CNTNAP2: variants seen among roughly 807,000 people sequenced by gnomAD.
CNTNAP2 encodes the protein contactin associated protein 2, also known as contactin-associated protein-like 2.
CNTNAP2 carries 98 observed loss-of-function variants against 155.2 expected under a neutral mutation model. That is an observed-to-expected ratio of 0.63 (90% CI 0.54 to 0.75). CNTNAP2 has a LOEUF of 0.75. Ranked by LOEUF, CNTNAP2 falls within the 30% of genes least tolerant of loss-of-function variation. CNTNAP2 has a pLI of 0.00. For missense variants in CNTNAP2, 1,727 were observed against 1,688.1 expected (o/e 1.02, Z -0.40); for synonymous variants, 651 against 631.2 (o/e 1.03, Z -0.47).
intron 1 of CNTNAP2, among the ~76,000 whole-genome samples, chr7:146,205,063 G>C: frequency 6.6e-6 from 1 of 152,008 alleles, no homozygotes. Context: ...TCAGTAAATT[G>C]TAGGCAAGTA....
At chr7:148,001,004 T>G (rs1801886504) in intron 15 of CNTNAP2, among the ~76,000 whole-genome samples, 1 of 152,170 alleles carries the variant, frequency 6.6e-6, no homozygotes, top group African/African-American at 2.4e-5. Flanking sequence ...CCACAAGGAT[T>G]TCATTGTGTG....
intron 1 of CNTNAP2, among the ~76,000 whole-genome samples, chr7:146,494,828 TA>T (rs1797190411): frequency 6.6e-6 from 1 of 152,250 alleles, no homozygotes; most frequent in South Asian, 2.1e-4. Flanking sequence ...TATTTGTTTT[TA>T]TTTTCCCTTC....
At chr7:146,488,134 T>A (rs1428193316) in intron 1 of CNTNAP2, among the ~76,000 whole-genome samples, 1 of 152,144 alleles carries the variant, frequency 6.6e-6, no homozygotes, top group Non-Finnish European at 1.5e-5. Flanking sequence ...CGTCAAATTG[T>A]ATCACCACAT....
intron 2 of CNTNAP2, among the ~76,000 whole-genome samples, chr7:146,832,188 T>C (rs1426694775): frequency 2.6e-5 from 4 of 152,190 alleles, no homozygotes; most frequent in Admixed American, 6.5e-5. Flanking sequence ...CTTATTAAGA[T>C]GCCTGTTACT....
intron 1 of CNTNAP2, among the ~76,000 whole-genome samples, chr7:146,560,328 G>A (rs1431802294): frequency 6.6e-6 from 1 of 151,696 alleles, no homozygotes; most frequent in Non-Finnish European, 1.5e-5. Context: ...AAAAAAGCCA[G>A]GTTATTTATT....
chr7:147,732,076 T>G (rs1376219435), intron 13 of CNTNAP2, among the ~76,000 whole-genome samples: 1 of 152,070 alleles, frequency 6.6e-6, no homozygotes, highest in Non-Finnish European at 1.5e-5. Flanking sequence ...CTAGTGTACA[T>G]GTGCACAGTG....
chr7:147,435,812 T>A (rs1797539796), intron 10 of CNTNAP2, among the ~76,000 whole-genome samples: 1 of 152,176 alleles, frequency 6.6e-6, no homozygotes, highest in East Asian at 1.9e-4. Context: ...ATAGGAATAA[T>A]AGCACCTATT....
At chr7:148,015,235 A>T (rs1328813331) in intron 15 of CNTNAP2, among the ~76,000 whole-genome samples, 1 of 152,176 alleles carries the variant, frequency 6.6e-6, no homozygotes, top group Admixed American at 6.5e-5. Flanking sequence ...TGCAAATAGC[A>T]GCCTACTTCT....
In CNTNAP2 at chr7:146,442,451, C is replaced by T. The variant is rs896845955; in HGVS notation, c.97+325478C>T. ...TCCATTTGGGGTGTGTGTGTGTGTG[C>T]GTGCGCATGTGTGTGTGTATGTGTG... On this transcript the variant is annotated intron_variant, in intron 1 of 23. Coordinates refer to ENST00000361727, the MANE Select transcript of CNTNAP2 (RefSeq NM_014141.6). Among the ~76,000 whole-genome samples, 8 of 151,402 alleles carry T rather than the reference C, an allele frequency of 5.3e-5. No homozygotes were observed. In the South Asian group the frequency reaches 8.4e-4, roughly 16 times the overall value.
chr7:147,959,067 T>A (rs1463553335), intron 14 of CNTNAP2, among the ~76,000 whole-genome samples: 1 of 152,204 alleles, frequency 6.6e-6, no homozygotes, highest in Non-Finnish European at 1.5e-5. Flanking sequence ...TAAAAACTTA[T>A]CATTCCTTTC....
intron 10 of CNTNAP2, among the ~76,000 whole-genome samples, chr7:147,442,843 C>T (rs1797666141): frequency 6.6e-6 from 1 of 152,150 alleles, no homozygotes; most frequent in African/African-American, 2.4e-5. Flanking sequence ...ACTCTGACTG[C>T]TGCCCTATCC....
intron 1 of CNTNAP2, among the ~76,000 whole-genome samples, chr7:146,421,622 A>G (rs990019049): frequency 2.0e-5 from 3 of 151,998 alleles, no homozygotes; most frequent in African/African-American, 7.2e-5. Context: ...ATTTATAATT[A>G]TCAATTAATA....
rs866691586 is a variant in CNTNAP2 at position 146,947,595 on chromosome 7, A to G, written c.403-96312A>G. Among the ~76,000 whole-genome samples, 210 of 140,652 alleles carry G rather than the reference A, an allele frequency of 1.5e-3. 1 individual carries two copies. Among genetic ancestry groups the G allele is most frequent in the African/African-American group, 5.4e-3 (200 of 37,236 alleles). 92.3% of individuals were successfully genotyped at this position (140,652 alleles called of 152,430 possible). On this transcript the variant is annotated intron_variant, in intron 3 of 23. Transcript: ENST00000361727. ...TATATACATATATATATATATATAT[A>G]TATGTATATATCTTTCAAAATATTT...
intron 1 of CNTNAP2, among the ~76,000 whole-genome samples, chr7:146,367,862 A>T (rs1224672114): frequency 6.6e-6 from 1 of 152,096 alleles, no homozygotes; most frequent in African/African-American, 2.4e-5. Context: ...TCCACAAACT[A>T]TGATTCTGTG....
intron 1 of CNTNAP2, among the ~76,000 whole-genome samples, chr7:146,727,344 A>T (rs1183567205): frequency 6.6e-6 from 1 of 152,160 alleles, no homozygotes; most frequent in African/African-American, 2.4e-5. Context: ...GCACATACTA[A>T]TGGAGCTGAT....
At chr7:146,741,038 C>G (rs73457266) in intron 1 of CNTNAP2, among the ~76,000 whole-genome samples, 5,416 of 152,010 alleles carry the variant, frequency 0.036, 337 homozygotes, top group African/African-American at 0.12. Context: ...CTGTGAGTAC[C>G]CAGTGTTGTG....
In CNTNAP2 at chr7:147,670,520, A is replaced by G. The variant is rs1171425827; in HGVS notation, c.2098+31214A>G. Among the ~76,000 whole-genome samples the G allele has an allele frequency of 2.0e-5, 3 of 152,238 alleles. No individual in the cohort carries two copies. The East Asian group carries it at 5.8e-4, about 29-fold the overall frequency. ...TGTGCCTATAAAAACCTCATACTCA[A>G]CCAGCAGAGAGAGGTGAAGCAGCTG... On this transcript the variant is annotated intron_variant, in intron 13 of 23. Transcript: ENST00000361727.
intron 3 of CNTNAP2, among the ~76,000 whole-genome samples, chr7:146,985,863 C>A (rs900641337): frequency 1.6e-4 from 25 of 152,166 alleles, no homozygotes; most frequent in African/African-American, 6.0e-4. Context: ...TGTGTCCAAA[C>A]CCTGGCATTC....
rs56026083 is a variant in CNTNAP2 at position 146,927,633 on chromosome 7, G to A, written c.402+87729G>A. 9.6e-3 allele frequency among the ~76,000 whole-genome samples: 1,445 copies of A among 150,548 alleles called. 21 individuals carry two copies. The highest frequency in any genetic ancestry group is 0.033 in the African/African-American group (1,320 of 40,344). ...AGCATGCATGCACTGCCTTTTTTTC[G>A]TTAAGGTAACACATTTCTATGACAT... On this transcript the variant is annotated intron_variant, in intron 3 of 23. Coordinates refer to ENST00000361727, the MANE Select transcript of CNTNAP2 (RefSeq NM_014141.6).
Sources: allele counts gnomAD v4.1 joint callset (sites outside exome capture counted in the v4.1 genomes callset), GRCh38; gene constraint gnomAD v4.1.1; transcripts MANE v1.5; gene names NCBI Gene and HGNC (gene_info 2026-07-23, HGNC 2026-07-21).